DLGAP2: variants seen among roughly 807,000 people sequenced by gnomAD.
The protein encoded by DLGAP2 is disks large-associated protein 2.
A neutral mutation model predicts 100.3 loss-of-function variants in DLGAP2; 26 were observed. The ratio of observed to expected loss-of-function variants is 0.26; its 90% CI spans 0.19 to 0.36. The LOEUF (loss-of-function observed/expected upper bound fraction) is 0.36. Among genes scored for constraint, DLGAP2 ranks in the 10% least tolerant of loss-of-function variants. The pLI is 1.00. For synonymous variants in DLGAP2, 886 were observed against 630.1 expected, an observed-to-expected ratio of 1.41 and a Z score of -6.08; for missense variants, 1,858 against 1,453.2, an observed-to-expected ratio of 1.28 and a Z score of -4.53.
chr8:1,481,737 C>G (rs1799103101), intron 3 of DLGAP2, among the ~76,000 whole-genome samples: 1 of 152,032 alleles, frequency 6.6e-6, no homozygotes, highest in Non-Finnish European at 1.5e-5. Flanking sequence ...CTCAGCCTCC[C>G]AAAGTTCTGG....
chr8:1,670,162 C>G (rs1271500980), intron 10 of DLGAP2, among the ~76,000 whole-genome samples: 1 of 152,210 alleles, frequency 6.6e-6, no homozygotes, highest in South Asian at 2.1e-4. Context: ...CCCACAGGTG[C>G]CCTCCAGGAT....
At chr8:1,354,507 T>C (rs1325732206) in intron 3 of DLGAP2, among the ~76,000 whole-genome samples, 1 of 152,112 alleles carries the variant, frequency 6.6e-6, no homozygotes, top group Non-Finnish European at 1.5e-5. Context: ...AGCGAGACAC[T>C]GTCTCAGAAA....
At chr8:1,316,323 CG>C (rs1800747603) in intron 3 of DLGAP2, among the ~76,000 whole-genome samples, 1 of 79,300 alleles carries the variant, frequency 1.3e-5, no homozygotes, top group Non-Finnish European at 2.8e-5. Context: ...AACTTGGCAG[CG>C]TTTAAAAATA....
chr8:1,127,272 G>T (rs918241152), intron 2 of DLGAP2, among the ~76,000 whole-genome samples: 3 of 151,726 alleles, frequency 2.0e-5, no homozygotes, highest in African/African-American at 7.3e-5. Flanking sequence ...GGCTCATTGG[G>T]GTGACTCCAG....
intron 2 of DLGAP2, among the ~76,000 whole-genome samples, chr8:921,086 C>T (rs1288870555): frequency 6.6e-6 from 1 of 152,236 alleles, no homozygotes; most frequent in African/African-American, 2.4e-5. Flanking sequence ...CAGATTTAAT[C>T]CTTGCCTTGT....
At chr8:1,672,065 G>A (rs1321633107) in intron 10 of DLGAP2, among the ~76,000 whole-genome samples, 1 of 152,178 alleles carries the variant, frequency 6.6e-6, no homozygotes, top group Non-Finnish European at 1.5e-5. Context: ...TTGTGTGCAT[G>A]TGTGTGTTTG....
chr8:1,387,013 T>C (rs763644651), intron 3 of DLGAP2, among the ~76,000 whole-genome samples: 1 of 152,180 alleles, frequency 6.6e-6, no homozygotes, highest in Non-Finnish European at 1.5e-5. Flanking sequence ...AATTTAATAC[T>C]AAATGTTAAT....
chr8:1,683,970 A>ATATGTGTGTG (rs1799043041), intron 12 of DLGAP2, among the ~76,000 whole-genome samples: 5 of 125,980 alleles, frequency 4.0e-5, no homozygotes, highest in East Asian at 2.4e-4. Context: ...ATATATATAT[A>ATATGTGTGTG]TATATATATA....
intron 1 of DLGAP2, among the ~76,000 whole-genome samples, chr8:890,574 C>T (rs1226206390): frequency 2.0e-5 from 3 of 152,014 alleles, no homozygotes; most frequent in East Asian, 3.9e-4. Flanking sequence ...CCCTCCTCCC[C>T]TTCCCTCTGC....
In DLGAP2 at chr8:1,516,409, GAA is replaced by G. The variant is rs372029823; in HGVS notation, c.172+14980_172+14981del. Among the ~76,000 whole-genome samples, 151 of 151,254 alleles carry G rather than the reference GAA, an allele frequency of 1.0e-3. 1 individual carries two copies. The highest frequency in any genetic ancestry group is 3.5e-3 in the African/African-American group (146 of 41,256). ...TGAGTGAATGAGTGGGTGACTGAGTGAAAGAGTGAGTGACTGAATGAGTGGGT... is the reference window on the plus strand; with the variant it reads ...TGAGTGAATGAGTGGGTGACTGAGTGAGAGTGAGTGACTGAATGAGTGGGT... On this transcript the variant is annotated intron_variant, in intron 4 of 14. Coordinates refer to ENST00000637795, the MANE Select transcript of DLGAP2 (RefSeq NM_001346810.2).
chr8:1,693,398 T>C (rs1162559966), intron 13 of DLGAP2, among the ~76,000 whole-genome samples: 4 of 151,842 alleles, frequency 2.6e-5, no homozygotes, highest in Non-Finnish European at 5.9e-5. Context: ...ATGTATACTT[T>C]TCCTTGGCTG....
rs2130900462 is a variant in DLGAP2, at chr8:1,704,822, T to G, written c.*3416T>G. On this transcript the variant is annotated 3_prime_UTR_variant, in exon 15 of 15. Transcript: ENST00000637795. ...AGTGACCTACTACGCAGAGGGAATT[T>G]TTCCCTGCTGCTTCTTATGAAAGTG... is the stretch of plus-strand genomic sequence containing the variant. 6.6e-6 allele frequency: 1 copy of G among 152,244 alleles called. No individual in the cohort carries two copies. Among genetic ancestry groups the G allele is most frequent in the Middle Eastern group, 3.4e-3 (1 of 294 alleles). The allele number at this position is 152,244 out of a possible 1,614,324, so 9.4% of individuals were successfully genotyped here.
chr8:1,336,000 A>G (rs1801264687), intron 3 of DLGAP2, among the ~76,000 whole-genome samples: 1 of 152,096 alleles, frequency 6.6e-6, no homozygotes, highest in African/African-American at 2.4e-5. Flanking sequence ...AAAGAGCTCC[A>G]GGGGGGAAAA....
intron 8 of DLGAP2, among the ~76,000 whole-genome samples, chr8:1,645,392 G>C (rs749759145): frequency 6.6e-6 from 1 of 152,248 alleles, no homozygotes; most frequent in African/African-American, 2.4e-5. Flanking sequence ...GCCAGTGTCA[G>C]TGTTATGAGC....
chr8:1,381,493 T>C (rs1796093838), intron 3 of DLGAP2: 1 of 152,254 alleles, frequency 6.6e-6, no homozygotes, highest in South Asian at 2.1e-4. Context: ...TTAACACACC[T>C]GTCCTCATCC....
At chr8:1,449,124 G>C (rs1170227790) in intron 3 of DLGAP2, among the ~76,000 whole-genome samples, 8 of 152,160 alleles carry the variant, frequency 5.3e-5, no homozygotes, top group Non-Finnish European at 1.0e-4. Context: ...ATTAATTCCT[G>C]TTCTCTTTCC....
intron 12 of DLGAP2, among the ~76,000 whole-genome samples, chr8:1,685,369 G>C (rs888836946): frequency 7.9e-5 from 12 of 152,220 alleles, no homozygotes; most frequent in African/African-American, 2.7e-4. Context: ...GAGCACAGCA[G>C]ATGCCTGTGC....
chr8:1,200,128 G>A (rs1197613483), intron 2 of DLGAP2, among the ~76,000 whole-genome samples: 12 of 152,216 alleles, frequency 7.9e-5, no homozygotes, highest in Admixed American at 7.2e-4. Flanking sequence ...GCCGGGAGCG[G>A]ATCCCTGCAC....
At chr8:1,505,890 T>TA (rs1799895515) in intron 4 of DLGAP2, among the ~76,000 whole-genome samples, 1 of 152,248 alleles carries the variant, frequency 6.6e-6, no homozygotes, top group Non-Finnish European at 1.5e-5. Context: ...TGAAGAGTGC[T>TA]ATATTGACCC....
Sources: allele counts gnomAD v4.1 joint callset (sites outside exome capture counted in the v4.1 genomes callset), GRCh38; gene constraint gnomAD v4.1.1; transcripts MANE v1.5; gene names NCBI Gene and HGNC (gene_info 2026-07-23, HGNC 2026-07-21).